Variants in SLCO1A2 observed in about 807,000 individuals in gnomAD.
SLCO1A2 encodes the protein solute carrier organic anion transporter family member 1A2.
A neutral mutation model predicts 69.0 loss-of-function variants in SLCO1A2; 67 were observed. The ratio of observed to expected loss-of-function variants is 0.97; its 90% CI spans 0.80 to 1.19. SLCO1A2 has a LOEUF of 1.19. Ranked by LOEUF, SLCO1A2 falls within the 50% of genes most tolerant of loss-of-function variation. The pLI, the probability that SLCO1A2 is intolerant of heterozygous loss-of-function variation, is 0.00. For synonymous variants in SLCO1A2, 260 were observed against 265.9 expected, an observed-to-expected ratio of 0.98 and a Z score of 0.22; for missense variants, 787 against 793.7, an observed-to-expected ratio of 0.99 and a Z score of 0.10.
At chr12:21,312,179 C>G (rs1375918543) in intron 4 of SLCO1A2, among the ~76,000 whole-genome samples, 2 of 152,240 alleles carry the variant, frequency 1.3e-5, no homozygotes, top group Non-Finnish European at 2.9e-5. Context: ...GCTAGATCTT[C>G]TGGATAACTT....
chr12:21,284,178 AATAG>A (rs1945302043), intron 12 of SLCO1A2, among the ~76,000 whole-genome samples: 1 of 152,216 alleles, frequency 6.6e-6, no homozygotes, highest in African/African-American at 2.4e-5. Flanking sequence ...AGTGTCCAGC[AATAG>A]ATGAATGGAT....
At chr12:21,283,677 G>A (rs61926253) in intron 12 of SLCO1A2, among the ~76,000 whole-genome samples, 2 of 151,960 alleles carry the variant, frequency 1.3e-5, no homozygotes, top group Non-Finnish European at 2.9e-5. Flanking sequence ...CATCTGACAA[G>A]GGATTAATAA....
chr12:21,334,215 T>C (rs1952784258), intron 2 of SLCO1A2, among the ~76,000 whole-genome samples: 1 of 152,094 alleles, frequency 6.6e-6, no homozygotes, highest in Admixed American at 6.6e-5. Context: ...ACAAAGCATT[T>C]CTGTGCAATG....
chr12:21,417,832 T>C (rs887760067), intron 1 of SLCO1A2: 4 of 152,110 alleles, frequency 2.6e-5, no homozygotes, highest in East Asian at 1.9e-4. Flanking sequence ...TGTACATATA[T>C]ATTAAAATGT....
chr12:21,348,152 A>G (rs948492979), intron 2 of SLCO1A2, among the ~76,000 whole-genome samples: 1 of 152,204 alleles, frequency 6.6e-6, no homozygotes, highest in African/African-American at 2.4e-5. Flanking sequence ...TATGGGGTAC[A>G]TGAGAAGGGG....
intron 1 of SLCO1A2, among the ~76,000 whole-genome samples, chr12:21,380,337 C>T (rs529094783): frequency 2.0e-5 from 3 of 152,146 alleles, no homozygotes; most frequent in African/African-American, 4.8e-5. Context: ...TGGTAGCATA[C>T]AATTCCCAGG....
At chr12:21,279,321 C>T (rs1253270047) in intron 12 of SLCO1A2, among the ~76,000 whole-genome samples, 1 of 152,118 alleles carries the variant, frequency 6.6e-6, no homozygotes, top group Non-Finnish European at 1.5e-5. Context: ...GAGAACTTCC[C>T]AAACCTAGAG....
intron 14 of SLCO1A2, among the ~76,000 whole-genome samples, chr12:21,272,588 T>TAA (rs1943074988): frequency 6.6e-6 from 1 of 152,112 alleles, no homozygotes; most frequent in African/African-American, 2.4e-5. Flanking sequence ...ATCATTAATA[T>TAA]AACTACAGAA....
rs545803237 is a variant in SLCO1A2 at position 21,365,175 on chromosome 12, C to T, written c.-63+9224G>A. On this transcript the variant is annotated intron_variant, in intron 2 of 15. Coordinates refer to the SLCO1A2 transcript ENST00000307378. ...TACAAGGCTACAGTAACCAAAACAG[C>T]ATGGTACTGGTACCAAAACAGAGAT... Among the ~76,000 whole-genome samples the T allele has an allele frequency of 6.6e-5, 10 of 152,268 alleles. No individual in the cohort carries two copies. In the South Asian group the frequency reaches 2.1e-3, roughly 32 times the overall value.
intron 1 of SLCO1A2, among the ~76,000 whole-genome samples, chr12:21,392,166 G>A (rs112183410): frequency 1.8e-4 from 27 of 152,140 alleles, no homozygotes; most frequent in African/African-American, 5.3e-4. Flanking sequence ...TAAATGCATC[G>A]CCTCTGACTA....
chr12:21,376,237 T>G, intron 1 of SLCO1A2: 1 of 195,720 alleles, frequency 5.1e-6, no homozygotes, highest in Non-Finnish European at 1.1e-5. Flanking sequence ...TGTGCTTCAG[T>G]CATATGCTAA....
In SLCO1A2 at chr12:21,318,935, A is replaced by C; in HGVS notation, c.61-12T>G. On this transcript the variant is annotated splice_polypyrimidine_tract_variant and intron_variant, in intron 2 of 14. Coordinates refer to ENST00000683939, the MANE Select transcript of SLCO1A2 (RefSeq NM_001386879.1). ...GCCAACAGAAACATCTAGGAAAAAA[A>C]TATAAGAAAACGTAGAAAAAATTAT... The C allele has an allele frequency of 6.4e-7, 1 of 1,565,976 alleles. No homozygotes were observed. Among genetic ancestry groups the C allele is most frequent in the Non-Finnish European group, 8.6e-7 (1 of 1,162,576 alleles).
chr12:21,274,607 A>G, intron 13 of SLCO1A2, 21 bp from the exon 14 acceptor site: 2 of 1,403,356 alleles, frequency 1.4e-6, no homozygotes. Flanking sequence ...CAGGGAAAGA[A>G]AAATCTATCA....
rs565398451 is a variant in SLCO1A2 at position 21,359,640 on chromosome 12, G to A, written c.-63+14759C>T. On this transcript the variant is annotated intron_variant, in intron 2 of 15. Coordinates refer to the SLCO1A2 transcript ENST00000307378. ...TGGGCACCTGTGGTCCCAGCTACTC[G>A]GGAGGCTGAGGCAGGAGAATGGCAT... Among the ~76,000 whole-genome samples the A allele has an allele frequency of 3.3e-5, 5 of 152,104 alleles. No homozygotes were observed. The East Asian group carries it at 7.7e-4, about 24-fold the overall frequency.
Position 21,306,466 on chromosome 12 carries a change from C to A in SLCO1A2, c.442+416G>T, listed in dbSNP as rs113116453. On this transcript the variant is annotated intron_variant, in intron 5 of 14. Transcript: ENST00000683939. ...TCGGCCTCCTGAGTAGCTGGGATTA[C>A]AGGTGCCCGCTACCATGCTTGGCTA... Among the ~76,000 whole-genome samples, 436 of 152,162 alleles carry A rather than the reference C, an allele frequency of 2.9e-3. 2 individuals are homozygous for A. The highest frequency in any genetic ancestry group is 9.8e-3 in the African/African-American group (408 of 41,516).
intron 2 of SLCO1A2, among the ~76,000 whole-genome samples, chr12:21,330,882 C>A (rs1413499369): frequency 6.6e-6 from 1 of 152,028 alleles, no homozygotes; most frequent in Admixed American, 6.6e-5. Context: ...TTACACAGAC[C>A]ATTTACAACA....
At chr12:21,333,628 T>G (rs1466697855) in intron 2 of SLCO1A2, among the ~76,000 whole-genome samples, 1 of 152,084 alleles carries the variant, frequency 6.6e-6, no homozygotes, top group Admixed American at 6.6e-5. Context: ...AATCAAAAAT[T>G]AAAGACCTCT....
At chr12:21,299,320 C>A (rs982318701) in intron 8 of SLCO1A2, among the ~76,000 whole-genome samples, 1 of 152,030 alleles carries the variant, frequency 6.6e-6, no homozygotes, top group Non-Finnish European at 1.5e-5. Context: ...TAGTTTCCCA[C>A]AGAAAAACCT....
At position 21,362,385 on chromosome 12, in the gene SLCO1A2, A is replaced by T. The variant is rs551161676; in HGVS notation, c.-63+12014T>A. On this transcript the variant is annotated intron_variant, in intron 2 of 15. Transcript: ENST00000307378. ...GTCACCACCATGCCTGACTTACAAG[A>T]GCTCCTTAAGGAAGCACTAAACATG... Among the ~76,000 whole-genome samples, 7 of 152,272 alleles carry T rather than the reference A, an allele frequency of 4.6e-5. No individual in the cohort carries two copies. In the East Asian group the frequency reaches 1.4e-3, roughly 29 times the overall value.
Sources: allele counts gnomAD v4.1 joint callset (sites outside exome capture counted in the v4.1 genomes callset), GRCh38; gene constraint gnomAD v4.1.1; transcripts MANE v1.5; gene names NCBI Gene and HGNC (gene_info 2026-07-23, HGNC 2026-07-21).